Variants in PCDHGA9 observed in about 807,000 individuals in gnomAD.
PCDHGA9 encodes the protein protocadherin gamma subfamily A, 9, also known as protocadherin gamma-A9.
PCDHGA9 carries 37 observed loss-of-function variants against 62.5 expected under a neutral mutation model. The observed-to-expected ratio is 0.59, with a 90% CI of 0.46 to 0.78. The LOEUF is 0.78. Among genes scored for constraint, PCDHGA9 ranks in the 30% least tolerant of loss-of-function variants. PCDHGA9 has a pLI of 0.00. For missense variants in PCDHGA9, 1,138 were observed against 1,166.2 expected (o/e 0.98, Z 0.35); for synonymous variants, 459 against 484.6 (o/e 0.95, Z 0.69).
intron 1 of PCDHGA9, among the ~76,000 whole-genome samples, chr5:141,444,462 C>T (rs1314366280): frequency 3.3e-5 from 5 of 152,002 alleles, no homozygotes; most frequent in African/African-American, 9.7e-5. Flanking sequence ...TGAGTCACTG[C>T]GCCCGGTCGC....
At position 141,491,825 on chromosome 5, in the gene PCDHGA9, C is replaced by A. The variant is rs948385010; in HGVS notation, c.2425-2982C>A. ...CGGCTTGGTCGCTGGCTGCGCTCCA[C>A]CCGATTCTCGGGATCATTGGACCGT... On this transcript the variant is annotated intron_variant, in intron 1 of 3. Coordinates refer to ENST00000573521, the MANE Select transcript of PCDHGA9 (RefSeq NM_018921.3). This position sits in a 1 kb window ranked among gnomAD's most constrained non-coding sequence, Gnocchi z 6.9. 145 of 1,478,052 alleles carry A rather than the reference C, an allele frequency of 9.8e-5. No homozygotes were observed. Among genetic ancestry groups the A allele is most frequent in the Non-Finnish European group, 1.3e-4 (142 of 1,114,822 alleles). 91.6% of individuals were successfully genotyped at this position (1,478,052 alleles called of 1,614,324 possible). A position where few individuals can be genotyped will look rare whatever the true frequency, so the allele number is the denominator to read the frequency against.
At position 141,477,592 on chromosome 5, in the gene PCDHGA9, T is replaced by G; in HGVS notation, c.2425-17215T>G. On this transcript the variant is annotated intron_variant, in intron 1 of 3. Coordinates refer to ENST00000573521, the MANE Select transcript of PCDHGA9 (RefSeq NM_018921.3). The surrounding 1 kb of genome is among the most constrained non-coding windows in gnomAD (Gnocchi z 4.9). ...CCGACGCCCCGCAGAATGCTCGGCT[T>G]TCTTTCTTTCTCTTGGAGCAAGGAG... The G allele has an allele frequency of 6.2e-7, 1 of 1,614,142 alleles. No homozygotes were observed. Among genetic ancestry groups the G allele is most frequent in the Non-Finnish European group, 8.5e-7 (1 of 1,180,014 alleles).
chr5:141,448,621 T>C (rs2098597629), intron 1 of PCDHGA9, among the ~76,000 whole-genome samples: 1 of 152,168 alleles, frequency 6.6e-6, no homozygotes, highest in Admixed American at 6.5e-5. Flanking sequence ...TATATCTTCC[T>C]TTCTTCACAT....
At chr5:141,419,471 G>A in intron 1 of PCDHGA9, 1 of 1,612,462 alleles carries the variant, frequency 6.2e-7, no homozygotes, top group Non-Finnish European at 8.5e-7. Context: ...CCGCGACCAG[G>A]GCTCGCCCGC....
At chr5:141,484,750 GTA>G (rs545232987) in intron 1 of PCDHGA9, among the ~76,000 whole-genome samples, 18 of 149,824 alleles carry the variant, frequency 1.2e-4, no homozygotes, top group Admixed American at 4.7e-4. Flanking sequence ...GAAAAAAAAT[GTA>G]TATATATATA....
intron 1 of PCDHGA9, among the ~76,000 whole-genome samples, chr5:141,474,463 T>C (rs1447737626): frequency 6.6e-6 from 1 of 152,228 alleles, no homozygotes; most frequent in Admixed American, 6.5e-5. Flanking sequence ...GCTATACTCT[T>C]TATTCTAAAT....
chr5:141,409,686 A>T, intron 1 of PCDHGA9: 3 of 1,613,350 alleles, frequency 1.9e-6, no homozygotes, highest in Non-Finnish European at 2.5e-6. Context: ...GTGGCGAGTG[A>T]CCTAGAGCCC....
Position 141,486,253 on chromosome 5 carries a change from C to A in PCDHGA9, c.2425-8554C>A. The A allele has an allele frequency of 6.2e-7, 1 of 1,614,138 alleles. No individual in the cohort carries two copies. Among genetic ancestry groups the A allele is most frequent in the Non-Finnish European group, 8.5e-7 (1 of 1,180,006 alleles). On this transcript the variant is annotated intron_variant, in intron 1 of 3. Transcript: ENST00000573521. This position sits in a 1 kb window ranked among gnomAD's most constrained non-coding sequence, Gnocchi z 5.0. ...TGACCTCAGAGCTTGGAACCCTCCC[C>A]GAGAGTGCAGAACCTGGCACTGTGG...
chr5:141,410,090 C>A (rs369832481), intron 1 of PCDHGA9: 51 of 1,612,358 alleles, frequency 3.2e-5, no homozygotes, highest in Middle Eastern at 1.7e-4. Context: ...GCGCACGGCT[C>A]GAGCCTTAGG....
chr5:141,421,562 A>G (rs1326874908), intron 1 of PCDHGA9: 1 of 1,613,992 alleles, frequency 6.2e-7, no homozygotes, highest in South Asian at 1.1e-5. Context: ...CTTCTCGTGG[A>G]AGACACCTTG....
chr5:141,428,065 C>T lies in PCDHGA9; in HGVS notation c.2424+22689C>T, dbSNP rs1028782772. 6 of 1,609,086 alleles carry T rather than the reference C, an allele frequency of 3.7e-6. No individual in the cohort carries two copies. The African/African-American group carries it at 6.7e-5, about 18-fold the overall frequency. ...GTGACCAAGGTGGTGGCGGTGGACGCAGATTCGGGACACAACGCTTGGCTG... is the reference window on the plus strand; with the variant it reads ...GTGACCAAGGTGGTGGCGGTGGACGTAGATTCGGGACACAACGCTTGGCTG... On this transcript the variant is annotated intron_variant, in intron 1 of 3. Coordinates refer to ENST00000573521, the MANE Select transcript of PCDHGA9 (RefSeq NM_018921.3).
chr5:141,457,498 G>A (rs193168963), intron 1 of PCDHGA9, among the ~76,000 whole-genome samples: 23 of 152,246 alleles, frequency 1.5e-4, no homozygotes, highest in African/African-American at 4.3e-4. Flanking sequence ...TAAAATGTAG[G>A]CAAAAAGCTT....
At chr5:141,495,209 C>T (rs548415564) in intron 2 of PCDHGA9, among the ~76,000 whole-genome samples, 1 of 152,342 alleles carries the variant, frequency 6.6e-6, no homozygotes, top group Admixed American at 6.5e-5. Flanking sequence ...GCCTAACCCC[C>T]TCCCCTGAGT....
At position 141,511,572 on chromosome 5, in the gene PCDHGA9, T is replaced by C. The variant is rs1366960269; in HGVS notation, c.*399T>C. The C allele has an allele frequency of 1.0e-5, 3 of 289,550 alleles. No homozygotes were observed. The East Asian group carries it at 2.4e-4, about 23-fold the overall frequency. 17.9% of individuals were successfully genotyped at this position (289,550 alleles called of 1,614,324 possible). ...AACAGTTCCTCTTTCCCGAGTAAGG[T>C]GGTTGGGGTGTTGAAGTACCAAGTA... On this transcript the variant is annotated 3_prime_UTR_variant, in exon 4 of 4. Coordinates refer to ENST00000573521, the MANE Select transcript of PCDHGA9 (RefSeq NM_018921.3).
intron 1 of PCDHGA9, chr5:141,408,651 C>T (rs373860648): frequency 6.2e-7 from 1 of 1,614,012 alleles, no homozygotes; most frequent in Non-Finnish European, 8.5e-7. Flanking sequence ...TCCGCTGGTA[C>T]ACGACTATCG....
At chr5:141,447,861 G>A (rs2098553733) in intron 1 of PCDHGA9, among the ~76,000 whole-genome samples, 1 of 152,120 alleles carries the variant, frequency 6.6e-6, no homozygotes, top group Non-Finnish European at 1.5e-5. Flanking sequence ...CGAGGTGGGT[G>A]AATCATCTGA....
intron 1 of PCDHGA9, chr5:141,421,633 G>C (rs1369645749): frequency 1.9e-6 from 3 of 1,613,716 alleles, no homozygotes; most frequent in Non-Finnish European, 2.5e-6. Context: ...CAGCTTCCAG[G>C]AGGACGAAGT....
rs2233605 is a variant in PCDHGA9 at position 141,490,412 on chromosome 5, C to A, written c.2425-4395C>A. ...GGTGAAGTGAGCCTTGATATCTCTC[C>A]GGACCTGCCATTTCAGATTAAGCCT... On this transcript the variant is annotated intron_variant, in intron 1 of 3. Transcript: ENST00000573521. This position sits in a 1 kb window ranked among gnomAD's most constrained non-coding sequence, Gnocchi z 5.4. 1.3e-4 allele frequency: 203 copies of A among 1,614,064 alleles called. 1 individual carries two copies. The highest frequency in any genetic ancestry group is 3.5e-4 in the South Asian group (32 of 91,086).
rs1011504923 is a variant in PCDHGA9, at chr5:141,408,109, C to A, written c.2424+2733C>A. ...GGATTGCCAGCTCCGAGACCCGGGA[C>A]TCCTCCTGTCCTGGGCCGAATGCTC... is the stretch of plus-strand genomic sequence containing the variant. On this transcript the variant is annotated intron_variant, in intron 1 of 3. Transcript: ENST00000573521. 6 of 1,445,662 alleles carry A rather than the reference C, an allele frequency of 4.2e-6. No homozygotes were observed. In the African/African-American group the frequency reaches 5.7e-5, roughly 14 times the overall value. 89.6% of individuals were successfully genotyped at this position (1,445,662 alleles called of 1,614,324 possible). A position where few individuals can be genotyped will look rare whatever the true frequency, so the allele number is the denominator to read the frequency against.
Sources: gnomAD v4.1 joint callset for allele counts (sites outside exome capture counted in the v4.1 genomes callset) on GRCh38, gnomAD v4.1.1 for gene constraint, Gnocchi (gnomAD v3.1) non-coding constraint, MANE v1.5 for transcripts, NCBI Gene and HGNC (gene_info 2026-07-23, HGNC 2026-07-21) for gene names.